The following TRPV3 variants were observed in gnomAD, a reference collection of about 807,000 sequenced individuals.
TRPV3 encodes the protein VRL-3.
In TRPV3, 88 loss-of-function variants were observed where a neutral mutation model predicts 87.1. The ratio of observed to expected loss-of-function variants is 1.01; its 90% confidence interval spans 0.85 to 1.21. The LOEUF is 1.21. TRPV3 is among the 50% of genes most tolerant of loss of function. TRPV3 has a pLI of 0.00. For missense variants in TRPV3, 1,054 were observed against 1,030.1 expected (o/e 1.02, Z -0.32); for synonymous variants, 438 against 423.3 (o/e 1.03, Z -0.43).
intron 12 of TRPV3, 34 bp downstream of exon 12, chr17:3,526,818 CTG>C: frequency 6.4e-7 from 1 of 1,571,816 alleles, no homozygotes; most frequent in Non-Finnish European, 8.7e-7. Flanking sequence ...TCAACCCTGC[CTG>C]TGAGGCGATA....
chr17:3,524,176 G>A (rs369399997), intron 13 of TRPV3, 22 bp downstream of exon 13: 26 of 1,610,152 alleles, frequency 1.6e-5, no homozygotes, highest in Middle Eastern at 1.7e-4. Context: ...GGGCCCTCCC[G>A]CCGGCGCAGC....
intron 9 of TRPV3, among the ~76,000 whole-genome samples, chr17:3,529,780 G>A (rs7209005): frequency 0.064 from 4,015 of 62,886 alleles, 146 homozygotes; most frequent in African/African-American, 0.2. Context: ...AAGACCTCCC[G>A]CCCACCGCCC....
intron 3 of TRPV3, 90 bp downstream of exon 3, chr17:3,545,077 T>C (rs2074511112): frequency 1.2e-6 from 1 of 805,026 alleles, no homozygotes; most frequent in Non-Finnish European, 2.1e-6. Context: ...CAGCCAGGCC[T>C]GGCCCCGTGA....
rs536361093 is a variant in TRPV3, at chr17:3,528,854, G to A, written c.1384C>T (p.Arg462Cys). 94 of 1,614,164 alleles carry A rather than the reference G, an allele frequency of 5.8e-5. No individual in the cohort carries two copies. In the South Asian group the frequency reaches 7.7e-4, roughly 13 times the overall value. ...NITLTLVSYY[R>C]PREEEAIPHP... The stretch of plus-strand genomic sequence containing the variant: ...CCACGTACCTCCTCCTCCCGGGGGC[G>A]GTAGTACGAGACGAGGGTCAGGGTG... Residue 462 changes from arginine to cysteine, a missense_variant, in exon 10 of 18, where the codon CGC (arginine) becomes TGC (cysteine). Transcript: ENST00000576742. The surrounding 1 kb of genome is among the most constrained non-coding windows in gnomAD (Gnocchi z 4.2).
intron 6 of TRPV3, among the ~76,000 whole-genome samples, 170 bp from the exon 7 acceptor site, chr17:3,535,883 C>G (rs1409890598): frequency 1.3e-5 from 2 of 152,238 alleles, no homozygotes; most frequent in African/African-American, 2.4e-5. Flanking sequence ...TTCATGCCTG[C>G]GCGGACCCAA....
chr17:3,523,952 G>A (rs1326271853), intron 13 of TRPV3, among the ~76,000 whole-genome samples: 2 of 151,312 alleles, frequency 1.3e-5, no homozygotes, highest in African/African-American at 4.9e-5. Flanking sequence ...TTACCAGCAC[G>A]CCACTGCCCA....
intron 17 of TRPV3, chr17:3,514,367 C>T: frequency 1.8e-6 from 1 of 564,076 alleles, no homozygotes; most frequent in Non-Finnish European, 3.1e-6. Flanking sequence ...GCACGAGCCA[C>T]CGCGCCCGGC....
rs1567636950 is a variant in TRPV3, at chr17:3,530,692, C to T, written c.1066-489G>A. ...GAGACACCACGCCCTACAGGGAGGCCCGTGGGACTTCGGTAGGCCAGTGAT... is the reference window on the plus strand; with the variant it reads ...GAGACACCACGCCCTACAGGGAGGCTCGTGGGACTTCGGTAGGCCAGTGAT... On this transcript the variant is annotated intron_variant, in intron 8 of 17. Transcript: ENST00000576742. This position sits in a 1 kb window ranked among gnomAD's most constrained non-coding sequence, Gnocchi z 4.0. Among the ~76,000 whole-genome samples the T allele has an allele frequency of 6.6e-6, 1 of 152,140 alleles. No homozygotes were observed. Among genetic ancestry groups the T allele is most frequent in the African/African-American group, 2.4e-5 (1 of 41,416 alleles).
At chr17:3,532,055 A>G (rs2074353681) in intron 8 of TRPV3, among the ~76,000 whole-genome samples, 1 of 152,184 alleles carries the variant, frequency 6.6e-6, no homozygotes, top group Non-Finnish European at 1.5e-5. Context: ...TGAGAAGAAC[A>G]TCTCAGACCA....
chr17:3,537,584 A>G lies in TRPV3; in HGVS notation c.644-1871T>C, dbSNP rs576744987. 1.9e-3 allele frequency among the ~76,000 whole-genome samples: 289 copies of G among 152,284 alleles called. 3 individuals are homozygous for G. The highest frequency in any genetic ancestry group is 6.6e-3 in the African/African-American group (274 of 41,558). ...GTTAAAGACAAGTGATAGGCTGGGG[A>G]AAATATTTGAGATATATAAAAAGGC... On this transcript the variant is annotated intron_variant, in intron 6 of 17. Coordinates refer to ENST00000576742, the MANE Select transcript of TRPV3 (RefSeq NM_145068.4).
At position 3,543,494 on chromosome 17, in the gene TRPV3, C is replaced by G; in HGVS notation, c.446G>C (p.Arg149Pro). 6.2e-7 allele frequency: 1 copy of G among 1,613,472 alleles called. No homozygotes were observed. Among genetic ancestry groups the G allele is most frequent in the Non-Finnish European group, 8.5e-7 (1 of 1,180,010 alleles). Residue 149 changes from arginine to proline, a missense_variant, in exon 5 of 18, where the codon CGC (arginine) becomes CCC (proline). Arg to Pro is a moderately radical substitution (Grantham distance 103). Coordinates refer to ENST00000576742, the MANE Select transcript of TRPV3 (RefSeq NM_145068.4). ...LVELQELCRRRHDEDVPDFLM... is the reference protein window; with the variant it reads ...LVELQELCRRPHDEDVPDFLM... ...CTCACCAGGCACATCCTCATCATGGCGCCGCCTGCAAAGCTCCTGCAGCTC... is the reference window on the plus strand; with the variant it reads ...CTCACCAGGCACATCCTCATCATGGGGCCGCCTGCAAAGCTCCTGCAGCTC...
intron 6 of TRPV3, among the ~76,000 whole-genome samples, chr17:3,537,250 C>T (rs1214002099): frequency 6.6e-6 from 1 of 152,114 alleles, no homozygotes; most frequent in African/African-American, 2.4e-5. Flanking sequence ...CTCAGCCCCC[C>T]AAAAGCTAGA....
intron 7 of TRPV3, among the ~76,000 whole-genome samples, chr17:3,534,041 G>A (rs1458084412): frequency 6.6e-6 from 1 of 152,082 alleles, no homozygotes; most frequent in Non-Finnish European, 1.5e-5. Flanking sequence ...CACACAGCAA[G>A]CCTGGGACAC....
chr17:3,519,690 TTGGATGGATGGATAGA>T (rs2074222628), intron 14 of TRPV3, among the ~76,000 whole-genome samples: 1 of 32,664 alleles, frequency 3.1e-5, no homozygotes, highest in Non-Finnish European at 6.3e-5. Flanking sequence ...GGATGGATGA[TTGGATGGATGGATAGA>T]TGGATGGATG....
intron 2 of TRPV3, among the ~76,000 whole-genome samples, chr17:3,551,546 G>C (rs752536681): frequency 6.6e-6 from 1 of 152,218 alleles, no homozygotes; most frequent in Non-Finnish European, 1.5e-5. Context: ...TCGAAGAACT[G>C]TCCCTGAACA....
At chr17:3,552,006 C>T (rs1407317514) in intron 2 of TRPV3, among the ~76,000 whole-genome samples, 1 of 149,948 alleles carries the variant, frequency 6.7e-6, no homozygotes, top group Non-Finnish European at 1.5e-5. Context: ...CCTCAGCCTC[C>T]CAAGTAGCTG....
At chr17:3,549,319 G>C (rs1248143343) in intron 2 of TRPV3, among the ~76,000 whole-genome samples, 1 of 152,206 alleles carries the variant, frequency 6.6e-6, no homozygotes, top group African/African-American at 2.4e-5. Flanking sequence ...TAGTGAACAA[G>C]TGGACAAAAT....
chr17:3,535,598 C>T lies in TRPV3; in HGVS notation c.759G>A (p.Lys253=), dbSNP rs1488324485. Reference sequence around the variant, plus strand: ...CGAAGTAGAAGCCTTCGTGTTGGTACTTGGGGTTGAAGAAGGCCCCCTTGG... The same window carrying T: ...CGAAGTAGAAGCCTTCGTGTTGGTATTTGGGGTTGAAGAAGGCCCCCTTGG... ...AHAKGAFFNP[K]YQHEGFYFGE... The change falls in exon 7 of 18, where the codon AAG becomes AAA. Residue 253 remains lysine, a synonymous_variant. Transcript: ENST00000576742. The T allele has an allele frequency of 6.2e-7, 1 of 1,608,720 alleles. No individual in the cohort carries two copies. The highest frequency in any genetic ancestry group is 8.5e-7 in the Non-Finnish European group (1 of 1,178,314).
chr17:3,556,507 G>T lies in TRPV3; in HGVS notation c.-3+1169C>A, dbSNP rs528212663. On this transcript the variant is annotated intron_variant, in intron 1 of 17. Coordinates refer to ENST00000576742, the MANE Select transcript of TRPV3 (RefSeq NM_145068.4). This position sits in a 1 kb window ranked among gnomAD's most constrained non-coding sequence, Gnocchi z 4.2. ...GGACTCACCTGGCGACACATAGGTG[G>T]GGGCAGGAAGACGGATTTCTGTAAG... Among the ~76,000 whole-genome samples, 124 of 152,252 alleles carry T rather than the reference G, an allele frequency of 8.1e-4. No individual in the cohort carries two copies. The highest frequency in any genetic ancestry group is 2.9e-3 in the African/African-American group (121 of 41,544).
Sources: allele counts gnomAD v4.1 joint callset (sites outside exome capture counted in the v4.1 genomes callset), GRCh38; gene constraint gnomAD v4.1.1; non-coding constraint Gnocchi (gnomAD v3.1); transcripts MANE v1.5; gene names NCBI Gene and HGNC (gene_info 2026-07-23, HGNC 2026-07-21).